The following MROH2B variants were observed in gnomAD, a reference collection of about 807,000 sequenced individuals.
MROH2B encodes maestro heat-like repeat-containing protein family member 2B.
In MROH2B, 177 loss-of-function variants were observed where a neutral mutation model predicts 208.6. The ratio of observed to expected loss-of-function variants is 0.85; its 90% CI spans 0.75 to 0.96. MROH2B has a LOEUF of 0.96. Among genes scored for constraint, MROH2B ranks in the 40% least tolerant of loss-of-function variants. The probability of loss-of-function intolerance (pLI) is 0.00; values close to 1 mark genes in which losing one functional copy is unlikely to be tolerated. For missense variants in MROH2B, 2,002 were observed against 1,878.7 expected (o/e 1.07, Z -1.21); for synonymous variants, 728 against 659.0 (o/e 1.10, Z -1.60).
intron 12 of MROH2B, 97 bp from the exon 13 acceptor site, chr5:41,051,187 T>C: frequency 3.1e-6 from 2 of 635,656 alleles, no homozygotes; most frequent in Non-Finnish European, 2.4e-6. Context: ...GAGTAGAGGA[T>C]GTAGTCACTC....
chr5:41,008,514 G>A, intron 33 of MROH2B, 92 bp downstream of exon 33: 2 of 1,422,450 alleles, frequency 1.4e-6, no homozygotes, highest in Non-Finnish European at 1.9e-6. Context: ...TGGATGCTAT[G>A]ACAGAAAGCA....
rs10054110 is a variant in MROH2B at position 41,018,350 on chromosome 5, A to T, written c.2754T>A (p.Asn918Lys). The T allele has an allele frequency of 0.35, 568,926 of 1,610,804 alleles. 101,590 individuals are homozygous for T. The highest frequency in any genetic ancestry group is 0.45 in the South Asian group (40,346 of 90,536). The change falls in exon 27 of 42, where the codon AAT becomes AAA. Residue 918 changes from asparagine to lysine, a missense_variant. By Grantham distance (94) the Asn-to-Lys change is moderately conservative (BLOSUM62 0). Transcript: ENST00000399564. Reference sequence around the variant, plus strand: ...CTAGGGGATTACTTACCTCAATATCATTTGTCAGCACTTTCGCAGTGATCT... The same window carrying T: ...CTAGGGGATTACTTACCTCAATATCTTTTGTCAGCACTTTCGCAGTGATCT... Reference protein sequence around the residue: ...AFQITAKVLTNDIEAPENFKI... With the variant: ...AFQITAKVLTKDIEAPENFKI...
chr5:41,035,485 A>G (rs184219806), intron 21 of MROH2B, among the ~76,000 whole-genome samples: 5 of 152,228 alleles, frequency 3.3e-5, no homozygotes, highest in Admixed American at 3.3e-4. Flanking sequence ...TAATTAAACC[A>G]AAGAGCTTCT....
rs545502679 is a variant in MROH2B, at chr5:41,012,439, C to T, written c.3135+144G>A. 21 of 720,524 alleles carry T rather than the reference C, an allele frequency of 2.9e-5. No individual in the cohort carries two copies. The East Asian group carries it at 4.7e-4, about 16-fold the overall frequency. 44.6% of individuals were successfully genotyped at this position (720,524 alleles called of 1,614,324 possible). A position where few individuals can be genotyped will look rare whatever the true frequency, so the allele number is the denominator to read the frequency against. On this transcript the variant is annotated intron_variant, in intron 30 of 41. Transcript: ENST00000399564. ...AACGTGAGCCTTGTTGTTAAACACA[C>T]AACGTAGGTCTCTAATGAGGCCTCT...
intron 13 of MROH2B, among the ~76,000 whole-genome samples, chr5:41,050,395 T>A (rs1450388732): frequency 1.3e-5 from 2 of 152,216 alleles, no homozygotes; most frequent in Non-Finnish European, 2.9e-5. Flanking sequence ...GGTCTCTATG[T>A]CCAGTTTTGC....
chr5:41,005,665 G>A lies in MROH2B; in HGVS notation c.3750-20C>T. ...ATGCTCCTAGAAAATGCACATTTTAGCAGAGACATATTTTACTAAACAATG... is the reference window on the plus strand; with the variant it reads ...ATGCTCCTAGAAAATGCACATTTTAACAGAGACATATTTTACTAAACAATG... On this transcript the variant is annotated intron_variant, in intron 34 of 41. Coordinates refer to ENST00000399564, the MANE Select transcript of MROH2B (RefSeq NM_173489.5). 6.4e-7 allele frequency: 1 copy of A among 1,565,576 alleles called. No individual in the cohort carries two copies. Among genetic ancestry groups the A allele is most frequent in the Non-Finnish European group, 8.7e-7 (1 of 1,143,280 alleles).
intron 24 of MROH2B, among the ~76,000 whole-genome samples, chr5:41,026,252 G>C (rs1443601594): frequency 6.6e-6 from 1 of 152,192 alleles, no homozygotes; most frequent in African/African-American, 2.4e-5. Context: ...AGTTGTCCCT[G>C]TTTGCAGATG....
chr5:41,010,845 T>C (rs976670129), intron 30 of MROH2B, among the ~76,000 whole-genome samples: 3 of 152,132 alleles, frequency 2.0e-5, no homozygotes, highest in Non-Finnish European at 4.4e-5. Context: ...GTGGGAGATA[T>C]TGACAGTCGG....
chr5:40,999,775 T>C lies in MROH2B; in HGVS notation c.4487A>G (p.Lys1496Arg), dbSNP rs2111780715. 6.2e-7 allele frequency: 1 copy of C among 1,613,358 alleles called. No homozygotes were observed. ...GATCCACAGAATTTCCTGGTTTTTC[T>C]TGGCCTAGAAGAGATGTGAATTTCA... Reference protein sequence around the residue: ...FYRQFCVKLAKKNQEILWILH... With the variant: ...FYRQFCVKLARKNQEILWILH... Residue 1496 changes from lysine (K) to arginine (R), a missense_variant, in exon 40 of 42, where the codon AAG becomes AGG. Physicochemically the swap from Lys to Arg is conservative, Grantham distance 26 (BLOSUM62 2). Transcript: ENST00000399564.
intron 36 of MROH2B, 100 bp downstream of exon 36, chr5:41,004,674 A>G: frequency 6.5e-7 from 1 of 1,534,966 alleles, no homozygotes; most frequent in Non-Finnish European, 8.7e-7. Flanking sequence ...ATGTATCTGG[A>G]TTTCCAATTA....
intron 17 of MROH2B, among the ~76,000 whole-genome samples, chr5:41,046,466 C>T (rs1376179402): frequency 6.6e-6 from 1 of 151,446 alleles, no homozygotes; most frequent in African/African-American, 2.4e-5. Flanking sequence ...TGGACAAACA[C>T]ATTGCAATAT....
intron 24 of MROH2B, among the ~76,000 whole-genome samples, chr5:41,026,537 G>A (rs890925502): frequency 1.3e-5 from 2 of 152,058 alleles, no homozygotes; most frequent in Non-Finnish European, 2.9e-5. Context: ...AAATAAAAGA[G>A]GACACAAACA....
rs142415258 is a variant in MROH2B at position 41,035,375 on chromosome 5, T to A, written c.2215-1511A>T. 1.4e-3 allele frequency among the ~76,000 whole-genome samples: 220 copies of A among 152,274 alleles called. 5 individuals are homozygous for A. The East Asian group carries it at 0.038, about 26-fold the overall frequency. ...CAATAAATAATATTGCTGGGATAAC[T>A]GGCTAGTCATATGCAGATAAATGAA... On this transcript the variant is annotated intron_variant, in intron 21 of 41. Transcript: ENST00000399564.
At chr5:41,001,641 T>C (rs1281854250) in intron 37 of MROH2B, among the ~76,000 whole-genome samples, 1 of 151,788 alleles carries the variant, frequency 6.6e-6, no homozygotes, top group East Asian at 1.9e-4. Context: ...TGCTTGAATC[T>C]GAGAGGAGGA....
chr5:41,018,765 C>A lies in MROH2B; in HGVS notation c.2599G>T (p.Asp867Tyr). The stretch of plus-strand genomic sequence containing the variant: ...GTCTTCAGAAGTTTTCCTAGGGCGT[C>A]CATGGATCGTTCATAGAGAAACTGA... Reference protein sequence around the residue: ...HIQFLYERSMDALGKLLKTMM... With the variant: ...HIQFLYERSMYALGKLLKTMM... Residue 867 changes from aspartate (D) to tyrosine (Y), a missense_variant, in exon 26 of 42, where the codon GAC (aspartate) becomes TAC (tyrosine). By Grantham distance (160) the Asp-to-Tyr change is radical (BLOSUM62 -3). Transcript: ENST00000399564. 2 of 1,613,790 alleles carry A rather than the reference C, an allele frequency of 1.2e-6. No homozygotes were observed. Among genetic ancestry groups the A allele is most frequent in the Non-Finnish European group, 1.7e-6 (2 of 1,179,830 alleles).
intron 20 of MROH2B, 149 bp downstream of exon 20, chr5:41,039,299 T>C (rs946822925): frequency 5.4e-6 from 3 of 551,086 alleles, no homozygotes; most frequent in South Asian, 3.0e-5. Context: ...TAGCTAATCA[T>C]CCTATAAAGA....
chr5:41,021,701 A>C (rs1742154402), intron 24 of MROH2B, among the ~76,000 whole-genome samples: 1 of 151,890 alleles, frequency 6.6e-6, no homozygotes, highest in Non-Finnish European at 1.5e-5. Context: ...AACATGGCAA[A>C]ACCATGTCTC....
At chr5:41,034,592 C>T (rs950258006) in intron 21 of MROH2B, among the ~76,000 whole-genome samples, 4 of 152,102 alleles carry the variant, frequency 2.6e-5, no homozygotes, top group African/African-American at 9.7e-5. Flanking sequence ...CAACTGACTT[C>T]AGGTGTTTCA....
chr5:40,998,802 A>T (rs922922516), intron 40 of MROH2B, 125 bp from the exon 41 acceptor site: 1 of 731,346 alleles, frequency 1.4e-6, no homozygotes, highest in African/African-American at 1.8e-5. Context: ...AGCAAACTAT[A>T]TGACTTCCTT....
Sources: gnomAD v4.1 joint callset for allele counts (sites outside exome capture counted in the v4.1 genomes callset) on GRCh38, gnomAD v4.1.1 for gene constraint, MANE v1.5 for transcripts, NCBI Gene and HGNC (gene_info 2026-07-23, HGNC 2026-07-21) for gene names.